ADAMTS17: variants seen among roughly 807,000 people sequenced by gnomAD.
ADAMTS17 encodes the protein ADAM metallopeptidase with thrombospondin type 1 motif 17.
In ADAMTS17, 113 loss-of-function variants were observed where a neutral mutation model predicts 141.5. That is an observed-to-expected ratio of 0.80 (90% CI 0.69 to 0.93). The LOEUF (loss-of-function observed/expected upper bound fraction) is 0.93, where lower values mean the gene tolerates loss of function less well. ADAMTS17 is among the 40% of genes least tolerant of loss of function. The pLI is 0.00. For synonymous variants in ADAMTS17, 768 were observed against 630.6 expected (o/e 1.22, Z -3.27); for missense variants, 1,659 against 1,517.9 (o/e 1.09, Z -1.54).
chr15:100,088,507 C>G (rs1281514766), intron 15 of ADAMTS17, among the ~76,000 whole-genome samples: 19 of 152,076 alleles, frequency 1.2e-4, no homozygotes, highest in Admixed American at 1.2e-3. Flanking sequence ...TCATATGGAA[C>G]CAAAAAAATA....
intron 15 of ADAMTS17, among the ~76,000 whole-genome samples, chr15:100,085,571 A>C (rs2035045460): frequency 6.6e-6 from 1 of 152,040 alleles, no homozygotes; most frequent in Non-Finnish European, 1.5e-5. Context: ...ATCAAGGAAA[A>C]AATGTTAAGG....
At chr15:100,244,024 G>T (rs2042911552) in intron 7 of ADAMTS17, among the ~76,000 whole-genome samples, 1 of 152,056 alleles carries the variant, frequency 6.6e-6, no homozygotes, top group Non-Finnish European at 1.5e-5. Flanking sequence ...AGGAAAAGAG[G>T]TTTAATGGAC....
At chr15:100,212,245 G>A (rs1043283827) in intron 7 of ADAMTS17, among the ~76,000 whole-genome samples, 9 of 152,162 alleles carry the variant, frequency 5.9e-5, no homozygotes, top group African/African-American at 2.2e-4. Context: ...CAGTCTGGCT[G>A]CAGATCCCCT....
intron 18 of ADAMTS17, among the ~76,000 whole-genome samples, chr15:99,999,175 T>C (rs766411275): frequency 1.4e-4 from 22 of 152,140 alleles, no homozygotes; most frequent in Non-Finnish European, 2.9e-4. Context: ...GAGGAAGCAG[T>C]GAGTGAAGCA....
At chr15:100,230,378 C>G (rs2042441401) in intron 7 of ADAMTS17, among the ~76,000 whole-genome samples, 2 of 152,164 alleles carry the variant, frequency 1.3e-5, no homozygotes, top group Non-Finnish European at 2.9e-5. Flanking sequence ...ATAACTCTTT[C>G]CAGATGCTGG....
At chr15:100,023,928 T>C (rs2061451741) in intron 18 of ADAMTS17, among the ~76,000 whole-genome samples, 1 of 152,194 alleles carries the variant, frequency 6.6e-6, no homozygotes, top group East Asian at 1.9e-4. Context: ...ATCTGGAAAG[T>C]ACAAAAAATA....
intron 7 of ADAMTS17, among the ~76,000 whole-genome samples, chr15:100,208,923 C>T (rs930061925): frequency 6.6e-6 from 1 of 152,086 alleles, no homozygotes; most frequent in Non-Finnish European, 1.5e-5. Flanking sequence ...TTACCTGTAT[C>T]ACTCGTATTT....
chr15:100,114,629 C>A (rs1199148237), intron 13 of ADAMTS17, among the ~76,000 whole-genome samples: 2 of 152,192 alleles, frequency 1.3e-5, no homozygotes, highest in Admixed American at 6.5e-5. Flanking sequence ...GGTAGCTGTC[C>A]TCATCAAACA....
At chr15:100,030,068 G>A (rs1170592846) in intron 18 of ADAMTS17, among the ~76,000 whole-genome samples, 3 of 152,182 alleles carry the variant, frequency 2.0e-5, no homozygotes, top group Non-Finnish European at 2.9e-5. Context: ...AGCTCTCTGA[G>A]AGGTGCTGGC....
chr15:100,063,468 C>G (rs967741931), intron 15 of ADAMTS17: 1 of 362,870 alleles, frequency 2.8e-6, no homozygotes, highest in Admixed American at 3.4e-5. Flanking sequence ...CATTTTCCTT[C>G]CTGTTCCCGC....
At chr15:100,065,564 A>G (rs1011509208) in intron 15 of ADAMTS17, among the ~76,000 whole-genome samples, 1 of 152,104 alleles carries the variant, frequency 6.6e-6, no homozygotes, top group African/African-American at 2.4e-5. Flanking sequence ...AATTTACAAA[A>G]CCACATTGTA....
At chr15:100,166,185 T>C (rs1326562867) in intron 8 of ADAMTS17, among the ~76,000 whole-genome samples, 1 of 152,218 alleles carries the variant, frequency 6.6e-6, no homozygotes, top group Non-Finnish European at 1.5e-5. Flanking sequence ...ATATCTTTGG[T>C]TGAAACCGTG....
chr15:100,252,572 C>T (rs1222812403), intron 7 of ADAMTS17, among the ~76,000 whole-genome samples: 3 of 152,216 alleles, frequency 2.0e-5, no homozygotes, highest in African/African-American at 7.2e-5. Context: ...AAAGAGCAGC[C>T]ACTCCTAGAA....
intron 3 of ADAMTS17, among the ~76,000 whole-genome samples, chr15:100,291,110 A>G (rs1291905303): frequency 1.3e-5 from 2 of 152,250 alleles, no homozygotes; most frequent in African/African-American, 4.8e-5. Context: ...TGTATCTGAC[A>G]CAGATCTAAT....
intron 18 of ADAMTS17, among the ~76,000 whole-genome samples, chr15:100,019,425 G>A (rs1260778848): frequency 6.6e-6 from 1 of 152,184 alleles, no homozygotes; most frequent in Admixed American, 6.5e-5. Flanking sequence ...GTGGAGACGT[G>A]TTTATTAGTT....
At chr15:100,220,795 C>T (rs755954528) in intron 7 of ADAMTS17, among the ~76,000 whole-genome samples, 1 of 152,194 alleles carries the variant, frequency 6.6e-6, no homozygotes, top group African/African-American at 2.4e-5. Flanking sequence ...TGGCTTCTTT[C>T]ATTTAGCATA....
intron 8 of ADAMTS17, among the ~76,000 whole-genome samples, chr15:100,161,676 G>A (rs2039699104): frequency 1.3e-5 from 2 of 152,216 alleles, no homozygotes. Context: ...AAATTCTCCA[G>A]TCAGTACTTC....
At chr15:100,243,789 T>TAAAAAAAAAAAAA (rs547134930) in intron 7 of ADAMTS17, among the ~76,000 whole-genome samples, 1 of 93,448 alleles carries the variant, frequency 1.1e-5, no homozygotes, top group Non-Finnish European at 2.1e-5. Context: ...GACTCCATCT[T>TAAAAAAAAAAAAA]AAAAAAAAAA....
intron 15 of ADAMTS17, among the ~76,000 whole-genome samples, chr15:100,081,920 T>A (rs2034763657): frequency 6.6e-6 from 1 of 152,248 alleles, no homozygotes; most frequent in Non-Finnish European, 1.5e-5. Flanking sequence ...TTTTATTTAG[T>A]TATGATGCAG....
Sources: allele counts gnomAD v4.1 joint callset (sites outside exome capture counted in the v4.1 genomes callset), GRCh38; gene constraint gnomAD v4.1.1; transcripts MANE v1.5; gene names NCBI Gene and HGNC (gene_info 2026-07-23, HGNC 2026-07-21).